Variants in KIF13B observed in about 807,000 individuals in gnomAD.
The protein encoded by KIF13B is kinesin family member 13B, also known as kinesin-like protein KIF13B.
KIF13B carries 127 observed loss-of-function variants against 222.0 expected under a neutral mutation model. The observed-to-expected ratio is 0.57, with a 90% CI of 0.50 to 0.66. The LOEUF (loss-of-function observed/expected upper bound fraction) is 0.66. Among genes scored for constraint, KIF13B ranks in the 30% least tolerant of loss-of-function variants. KIF13B has a pLI of 0.00. For missense variants in KIF13B, 2,173 were observed against 2,379.0 expected (o/e 0.91, Z 1.80); for synonymous variants, 976 against 919.0 (o/e 1.06, Z -1.12).
At chr8:29,113,353 C>A in intron 32 of KIF13B, 110 bp downstream of exon 32, 1 of 594,988 alleles carries the variant, frequency 1.7e-6, no homozygotes, top group Non-Finnish European at 2.9e-6. Flanking sequence ...CTATACCTTC[C>A]CTAAACATAC....
chr8:29,112,482 C>A (rs1453094757), intron 32 of KIF13B, among the ~76,000 whole-genome samples: 1 of 149,694 alleles, frequency 6.7e-6, no homozygotes, highest in Non-Finnish European at 1.5e-5. Flanking sequence ...ATACACTGTT[C>A]ACCTATTGTT....
intron 37 of KIF13B, among the ~76,000 whole-genome samples, chr8:29,079,231 G>A (rs1042950233): frequency 6.6e-6 from 1 of 152,132 alleles, no homozygotes; most frequent in African/African-American, 2.4e-5. Context: ...CGCCCCCGTG[G>A]AATCGTGTTC....
intron 14 of KIF13B, among the ~76,000 whole-genome samples, chr8:29,151,769 A>G (rs1811306402): frequency 1.3e-5 from 2 of 151,510 alleles, no homozygotes; most frequent in African/African-American, 4.8e-5. Flanking sequence ...GAGATGTACA[A>G]GGATATGAAT....
intron 35 of KIF13B, among the ~76,000 whole-genome samples, chr8:29,106,384 C>A (rs1167407712): frequency 6.6e-6 from 1 of 152,204 alleles, no homozygotes; most frequent in African/African-American, 2.4e-5. Flanking sequence ...GTAATCCCAG[C>A]ACTTTGGGAG....
intron 17 of KIF13B, among the ~76,000 whole-genome samples, chr8:29,146,791 T>C (rs1159332312): frequency 1.3e-5 from 2 of 152,194 alleles, no homozygotes; most frequent in Non-Finnish European, 2.9e-5. Flanking sequence ...TGTATGCAGA[T>C]CACCAGGGGA....
intron 21 of KIF13B, among the ~76,000 whole-genome samples, chr8:29,134,881 A>C (rs953499991): frequency 6.6e-6 from 1 of 152,168 alleles, no homozygotes. Context: ...ATTTGGGGGA[A>C]GGTGTATCAA....
rs545059148 is a variant in KIF13B at position 29,224,221 on chromosome 8, T to G, written c.149+21125A>C. 2.0e-5 allele frequency among the ~76,000 whole-genome samples: 3 copies of G among 151,524 alleles called. No individual in the cohort carries two copies. The South Asian group carries it at 6.3e-4, about 32-fold the overall frequency. On this transcript the variant is annotated intron_variant, in intron 2 of 39. Transcript: ENST00000524189. ...GGTTTCACCGTGTTAGCCAGGATGGTCTCGATCTCCTGACCTCGTGATCCA... is the reference window on the plus strand; with the variant it reads ...GGTTTCACCGTGTTAGCCAGGATGGGCTCGATCTCCTGACCTCGTGATCCA...
At chr8:29,227,074 A>G (rs928896118) in intron 2 of KIF13B, among the ~76,000 whole-genome samples, 1 of 152,224 alleles carries the variant, frequency 6.6e-6, no homozygotes, top group Non-Finnish European at 1.5e-5. Context: ...CATCAGCTAT[A>G]TGCACAGATA....
At chr8:29,207,891 G>C (rs1344931614) in intron 2 of KIF13B, among the ~76,000 whole-genome samples, 1 of 152,188 alleles carries the variant, frequency 6.6e-6, no homozygotes, top group Non-Finnish European at 1.5e-5. Flanking sequence ...AAAATGAAGA[G>C]AGAAACGTGA....
chr8:29,172,337 C>T (rs1377160135), intron 10 of KIF13B, among the ~76,000 whole-genome samples: 7 of 152,166 alleles, frequency 4.6e-5, no homozygotes, highest in Non-Finnish European at 8.8e-5. Flanking sequence ...CTGCCTCGGC[C>T]TCCCAGAGTG....
At position 29,181,977 on chromosome 8, in the gene KIF13B, T is replaced by C; in HGVS notation, c.527A>G (p.His176Arg). The C allele has an allele frequency of 6.2e-7, 1 of 1,613,576 alleles. No individual in the cohort carries two copies. Among genetic ancestry groups the C allele is most frequent in the Non-Finnish European group, 8.5e-7 (1 of 1,179,708 alleles). Residue 176 changes from histidine (H) to arginine (R), a missense_variant, in exon 7 of 40, where the codon CAT becomes CGT. His to Arg is a conservative substitution (Grantham distance 29). Coordinates refer to ENST00000524189, the MANE Select transcript of KIF13B (RefSeq NM_015254.4). ...GSRQTLKVRE[H>R]SVLGPYVDGL... ...GTCGACATAAGGTCCCAACACACTATGCTCTCTGACTTTCAACGTCTGACG... is the reference window on the plus strand; with the variant it reads ...GTCGACATAAGGTCCCAACACACTACGCTCTCTGACTTTCAACGTCTGACG...
chr8:29,252,152 T>C (rs929569797), intron 1 of KIF13B, among the ~76,000 whole-genome samples: 12 of 152,240 alleles, frequency 7.9e-5, no homozygotes, highest in Admixed American at 6.5e-5. Context: ...ACAAGATTCC[T>C]TTCCAGGGCA....
At chr8:29,198,038 C>A (rs545205903) in intron 2 of KIF13B, among the ~76,000 whole-genome samples, 1 of 152,270 alleles carries the variant, frequency 6.6e-6, no homozygotes, top group East Asian at 1.9e-4. Context: ...TGCTTTGTCT[C>A]CTGAGATTTT....
chr8:29,093,890 C>T (rs1808407655), intron 36 of KIF13B, among the ~76,000 whole-genome samples: 1 of 150,792 alleles, frequency 6.6e-6, no homozygotes, highest in East Asian at 1.9e-4. Context: ...TACAGCAAGA[C>T]AAAAACAAGG....
chr8:29,180,812 CT>C (rs572455928), intron 7 of KIF13B, among the ~76,000 whole-genome samples: 235 of 142,224 alleles, frequency 1.7e-3, no homozygotes, highest in Middle Eastern at 7.2e-3. Context: ...AAGGGATTTT[CT>C]TTTTTTTTTT....
intron 37 of KIF13B, among the ~76,000 whole-genome samples, chr8:29,076,201 G>A (rs1260069056): frequency 6.6e-6 from 1 of 152,180 alleles, no homozygotes; most frequent in Non-Finnish European, 1.5e-5. Flanking sequence ...GCTCATCCCA[G>A]AAGAAGCTGG....
intron 37 of KIF13B, among the ~76,000 whole-genome samples, chr8:29,092,216 T>G (rs1382731510): frequency 1.2e-4 from 18 of 152,266 alleles, no homozygotes; most frequent in Admixed American, 1.2e-3. Flanking sequence ...CCTGATTGTT[T>G]GGAAAACCTT....
At chr8:29,217,240 G>C (rs1456583487) in intron 2 of KIF13B, among the ~76,000 whole-genome samples, 1 of 152,192 alleles carries the variant, frequency 6.6e-6, no homozygotes, top group African/African-American at 2.4e-5. Context: ...TCAAGGGTGA[G>C]GGGTCAGCAA....
At chr8:29,095,660 G>C (rs1044841498) in intron 36 of KIF13B, among the ~76,000 whole-genome samples, 6 of 152,086 alleles carry the variant, frequency 3.9e-5, no homozygotes, top group African/African-American at 1.2e-4. Context: ...CCAGCTACTT[G>C]GGAGGCTGAG....
Sources: gnomAD v4.1 joint callset for allele counts (sites outside exome capture counted in the v4.1 genomes callset) on GRCh38, gnomAD v4.1.1 for gene constraint, MANE v1.5 for transcripts, NCBI Gene and HGNC (gene_info 2026-07-23, HGNC 2026-07-21) for gene names.